OR5J2: variants seen among roughly 807,000 people sequenced by gnomAD.
OR5J2 encodes olfactory receptor 5J2.
In OR5J2, 4 loss-of-function variants were observed where a neutral mutation model predicts 6.7. The ratio of observed to expected loss-of-function variants is 0.60; its 90% CI spans 0.29 to 1.37. The LOEUF is 1.37. Among genes scored for constraint, OR5J2 ranks in the 40% most tolerant of loss-of-function variants. The probability of loss-of-function intolerance (pLI) is 0.09; values close to 1 mark genes in which losing one functional copy is unlikely to be tolerated. For synonymous variants in OR5J2, 174 were observed against 140.4 expected (o/e 1.24, Z -1.69); for missense variants, 415 against 366.4 (o/e 1.13, Z -1.08).
chr11:56,177,303 A>G lies in OR5J2; in HGVS notation c.686A>G (p.His229Arg), dbSNP rs140282757. 7.7e-5 allele frequency: 124 copies of G among 1,613,752 alleles called. No homozygotes were observed. The African/African-American group carries it at 1.3e-3, about 16-fold the overall frequency. The part of the protein sequence containing the change: ...IFIAFASLRI[H>R]SASGRQQAFS... Reference sequence around the variant, plus strand: ...ATTGCTTTTGCTAGCCTAAGGATCCACTCAGCATCAGGCAGACAGCAAGCC... The same window carrying G: ...ATTGCTTTTGCTAGCCTAAGGATCCGCTCAGCATCAGGCAGACAGCAAGCC... Residue 229 changes from histidine (H) to arginine (R), a missense_variant, in exon 1 of 1, where the codon CAC becomes CGC. His to Arg is a conservative substitution (Grantham distance 29). Coordinates refer to ENST00000312298, the MANE Select transcript of OR5J2 (RefSeq NM_001005492.1).
In OR5J2 at chr11:56,176,944, C is replaced by A; in HGVS notation, c.327C>A (p.Thr109=). 2 of 1,613,956 alleles carry A rather than the reference C, an allele frequency of 1.2e-6. No homozygotes were observed. Among genetic ancestry groups the A allele is most frequent in the South Asian group, 2.2e-5 (2 of 91,078 alleles). Residue 109 remains threonine, a synonymous_variant, in exon 1 of 1, where the codon ACC becomes ACA. Transcript: ENST00000312298. The part of the protein sequence containing the change: ...VQHLCFGVFI[T]TEGFLLSVMA... ...ATTTGTGTTTCGGAGTGTTCATCACCACAGAAGGCTTCTTACTGTCAGTGA... is the reference window on the plus strand; with the variant it reads ...ATTTGTGTTTCGGAGTGTTCATCACAACAGAAGGCTTCTTACTGTCAGTGA...
Position 56,176,865 on chromosome 11 carries a change from T to C in OR5J2, c.248T>C (p.Val83Ala), listed in dbSNP as rs183660874. 14 of 1,614,148 alleles carry C rather than the reference T, an allele frequency of 8.7e-6. No homozygotes were observed. Among genetic ancestry groups the C allele is most frequent in the East Asian group, 2.2e-5 (1 of 44,862 alleles). Reference protein sequence around the residue: ...YSSAIAPKMLVNLLVVKATIS... With the variant: ...YSSAIAPKMLANLLVVKATIS... ...TCTGCAATTGCACCCAAAATGCTGG[T>C]GAACCTCCTGGTTGTGAAGGCAACA... Residue 83 changes from valine (V) to alanine (A), a missense_variant, in exon 1 of 1, where the codon GTG (valine) becomes GCG (alanine). By Grantham distance (64) the Val-to-Ala change is moderately conservative. Coordinates refer to ENST00000312298, the MANE Select transcript of OR5J2 (RefSeq NM_001005492.1).
chr11:56,177,157 C>T lies in OR5J2; in HGVS notation c.540C>T (p.Asp180=). The T allele has an allele frequency of 2.5e-6, 4 of 1,614,136 alleles. No homozygotes were observed. Among genetic ancestry groups the T allele is most frequent in the Non-Finnish European group, 2.5e-6 (3 of 1,179,990 alleles). ...RLNAVSHFFC[D]IPSLLKLSCS... is the part of the protein sequence containing the mutation. ...ATGCTGTCAGCCACTTCTTCTGTGA[C>T]ATTCCTTCACTGCTAAAGCTGTCAT... Residue 180 remains aspartate, a synonymous_variant, in exon 1 of 1, where the codon GAC becomes GAT. Coordinates refer to ENST00000312298, the MANE Select transcript of OR5J2 (RefSeq NM_001005492.1).
In OR5J2 at chr11:56,177,279, T is replaced by C. The variant is rs1852551621; in HGVS notation, c.662T>C (p.Ile221Thr). 1 of 1,613,962 alleles carries C rather than the reference T, an allele frequency of 6.2e-7. No homozygotes were observed. The highest frequency in any genetic ancestry group is 1.3e-5 in the African/African-American group (1 of 74,906). The part of the protein sequence containing the change: ...FLTVIISYIF[I>T]AFASLRIHSA... Reference sequence around the variant, plus strand: ...ACTGTGATCATTTCCTACATCTTCATTGCTTTTGCTAGCCTAAGGATCCAC... The same window carrying C: ...ACTGTGATCATTTCCTACATCTTCACTGCTTTTGCTAGCCTAAGGATCCAC... The change falls in exon 1 of 1, where the codon ATT (isoleucine) becomes ACT (threonine). Residue 221 changes from isoleucine (I) to threonine (T), a missense_variant. By Grantham distance (89) the Ile-to-Thr change is moderately conservative. Coordinates refer to ENST00000312298, the MANE Select transcript of OR5J2 (RefSeq NM_001005492.1).
rs767970353 is a variant in OR5J2, at chr11:56,177,356, G to T, written c.739G>T (p.Ala247Ser). 41 of 1,613,896 alleles carry T rather than the reference G, an allele frequency of 2.5e-5. No individual in the cohort carries two copies. The highest frequency in any genetic ancestry group is 3.4e-5 in the Non-Finnish European group (40 of 1,179,938). The change falls in exon 1 of 1, where the codon GCT (alanine) becomes TCT (serine). Residue 247 changes from alanine (A) to serine (S), a missense_variant. By Grantham distance (99) the Ala-to-Ser change is moderately conservative. Transcript: ENST00000312298. Reference sequence around the variant, plus strand: ...CTCCACCTGTGCCTCTCACCTGACTGCTGTGACCATATTCTATGGTACCTT... The same window carrying T: ...CTCCACCTGTGCCTCTCACCTGACTTCTGTGACCATATTCTATGGTACCTT... Reference protein sequence around the residue: ...AFSTCASHLTAVTIFYGTLIF... With the variant: ...AFSTCASHLTSVTIFYGTLIF...
Position 56,176,939 on chromosome 11 carries a change from A to T in OR5J2, c.322A>T (p.Ile108Phe), listed in dbSNP as rs760965659. ...MVQHLCFGVF[I>F]TTEGFLLSVM... ...ACAGCATTTGTGTTTCGGAGTGTTC[A>T]TCACCACAGAAGGCTTCTTACTGTC... Residue 108 changes from isoleucine to phenylalanine, a missense_variant, in exon 1 of 1, where the codon ATC (isoleucine) becomes TTC (phenylalanine). By Grantham distance (21) the Ile-to-Phe change is conservative. Transcript: ENST00000312298. 2 of 1,614,132 alleles carry T rather than the reference A, an allele frequency of 1.2e-6. No homozygotes were observed. Among genetic ancestry groups the T allele is most frequent in the East Asian group, 2.2e-5 (1 of 44,880 alleles).
chr11:56,177,356 G>A lies in OR5J2; in HGVS notation c.739G>A (p.Ala247Thr), dbSNP rs767970353. Residue 247 changes from alanine (A) to threonine (T), a missense_variant, in exon 1 of 1, where the codon GCT becomes ACT. Coordinates refer to ENST00000312298, the MANE Select transcript of OR5J2 (RefSeq NM_001005492.1). Reference sequence around the variant, plus strand: ...CTCCACCTGTGCCTCTCACCTGACTGCTGTGACCATATTCTATGGTACCTT... The same window carrying A: ...CTCCACCTGTGCCTCTCACCTGACTACTGTGACCATATTCTATGGTACCTT... ...AFSTCASHLT[A>T]VTIFYGTLIF... 2 of 1,614,012 alleles carry A rather than the reference G, an allele frequency of 1.2e-6. No individual in the cohort carries two copies. Among genetic ancestry groups the A allele is most frequent in the South Asian group, 2.2e-5 (2 of 91,072 alleles).
Position 56,177,422 on chromosome 11 carries a change from G to T in OR5J2, c.805G>T (p.Glu269Ter). The T allele has an allele frequency of 6.2e-7, 1 of 1,614,000 alleles. No individual in the cohort carries two copies. The highest frequency in any genetic ancestry group is 8.5e-7 in the Non-Finnish European group (1 of 1,179,960). ...YIQPSSQYFVEQEKVVSMFYT... is the reference protein window; with the variant it reads ...YIQPSSQYFV ...TCAGCCAAGCTCCCAGTATTTTGTG[G>T]AACAAGAGAAAGTGGTTTCTATGTT... Residue 269 changes from glutamate to a stop codon, truncating the protein, a stop_gained, in exon 1 of 1, where the codon GAA (glutamate) becomes TAA (stop). Transcript: ENST00000312298. LOFTEE classifies it high-confidence loss of function.
chr11:56,177,031 T>C lies in OR5J2; in HGVS notation c.414T>C (p.Asp138=), dbSNP rs141314313. 232 of 1,614,124 alleles carry C rather than the reference T, an allele frequency of 1.4e-4. No homozygotes were observed. The African/African-American group carries it at 2.9e-3, about 20-fold the overall frequency. ...TGCTTTACACTGTAGCCATGTCTGATAGAAAGTGTGTGGAGCTTGTCACAG... is the reference window on the plus strand; with the variant it reads ...TGCTTTACACTGTAGCCATGTCTGACAGAAAGTGTGTGGAGCTTGTCACAG... ...SPLLYTVAMS[D]RKCVELVTGS... The change falls in exon 1 of 1, where the codon GAT becomes GAC. Residue 138 remains aspartate (D), a synonymous_variant. Transcript: ENST00000312298.
At position 56,176,964 on chromosome 11, in the gene OR5J2, C is replaced by G. The variant is rs572285751; in HGVS notation, c.347C>G (p.Ser116Ter). Reference sequence around the variant, plus strand: ...ATCACCACAGAAGGCTTCTTACTGTCAGTGATGGCCTATGACCGCTATGTG... The same window carrying G: ...ATCACCACAGAAGGCTTCTTACTGTGAGTGATGGCCTATGACCGCTATGTG... ...VFITTEGFLL[S>*]VMAYDRYVAI... The change falls in exon 1 of 1, where the codon TCA becomes TGA. Residue 116 changes from serine (S) to a stop codon, truncating the protein, a stop_gained. Coordinates refer to ENST00000312298, the MANE Select transcript of OR5J2 (RefSeq NM_001005492.1). LOFTEE classifies it low-confidence loss of function (END_TRUNC). 5 of 1,613,932 alleles carry G rather than the reference C, an allele frequency of 3.1e-6. No individual in the cohort carries two copies. The South Asian group carries it at 4.4e-5, about 14-fold the overall frequency.
rs778273162 is a variant in OR5J2 at position 56,176,791 on chromosome 11, C to T, written c.174C>T (p.Pro58=). ...LIQITSKLHT[P]MYFLLSCLSF... is the part of the protein sequence containing the mutation. ...AAATCACCTCCAAACTCCACACACCCATGTACTTTTTACTCAGCTGTCTTT... is the reference window on the plus strand; with the variant it reads ...AAATCACCTCCAAACTCCACACACCTATGTACTTTTTACTCAGCTGTCTTT... Residue 58 remains proline (P), a synonymous_variant, in exon 1 of 1, where the codon CCC becomes CCT. Transcript: ENST00000312298. 3.7e-6 allele frequency: 6 copies of T among 1,613,968 alleles called. No homozygotes were observed. In the Admixed American group the frequency reaches 1.0e-4, roughly 27 times the overall value.
chr11:56,177,480 T>G lies in OR5J2; in HGVS notation c.863T>G (p.Leu288Trp). The change falls in exon 1 of 1, where the codon TTG becomes TGG. Residue 288 changes from leucine (L) to tryptophan (W), a missense_variant. Leu to Trp is a moderately conservative substitution (Grantham distance 61, BLOSUM62 -2). Coordinates refer to ENST00000312298, the MANE Select transcript of OR5J2 (RefSeq NM_001005492.1). Reference protein sequence around the residue: ...YTLGIPMLNLLIHSLRNKDVK... With the variant: ...YTLGIPMLNLWIHSLRNKDVK... Reference sequence around the variant, plus strand: ...CTAGGGATTCCCATGTTAAACCTGTTGATACACAGTTTGAGAAACAAGGAC... The same window carrying G: ...CTAGGGATTCCCATGTTAAACCTGTGGATACACAGTTTGAGAAACAAGGAC... The G allele has an allele frequency of 1.2e-6, 2 of 1,613,058 alleles. No homozygotes were observed. The highest frequency in any genetic ancestry group is 1.7e-6 in the Non-Finnish European group (2 of 1,179,908).
chr11:56,176,834 TATTCATCTGCA>T lies in OR5J2; in HGVS notation c.221_231del (p.Ser74CysfsTer44). The T allele has an allele frequency of 6.2e-7, 1 of 1,613,976 alleles. No homozygotes were observed. The highest frequency in any genetic ancestry group is 1.1e-5 in the South Asian group (1 of 91,080). On this transcript the variant is annotated frameshift_variant, in exon 1 of 1. Coordinates refer to ENST00000312298, the MANE Select transcript of OR5J2 (RefSeq NM_001005492.1). LOFTEE classifies it low-confidence loss of function (END_TRUNC). ...CTGTCTTTCATTTGTGGATGCCTGC[TATTCATCTGCA>T]ATTGCACCCAAAATGCTGGTGAACC...
In OR5J2 at chr11:56,177,495, G is replaced by A; in HGVS notation, c.878G>A (p.Arg293Lys). 1 of 1,611,710 alleles carries A rather than the reference G, an allele frequency of 6.2e-7. No individual in the cohort carries two copies. Among genetic ancestry groups the A allele is most frequent in the Non-Finnish European group, 8.5e-7 (1 of 1,179,838 alleles). ...TTAAACCTGTTGATACACAGTTTGA[G>A]AAACAAGGACGTAAAGGAGGCAGTG... is the stretch of plus-strand genomic sequence containing the variant. ...PMLNLLIHSL[R>K]NKDVKEAVKR... Residue 293 changes from arginine (R) to lysine (K), a missense_variant, in exon 1 of 1, where the codon AGA becomes AAA. By Grantham distance (26) the Arg-to-Lys change is conservative. Transcript: ENST00000312298.
In OR5J2 at chr11:56,177,321, AGC is replaced by A; in HGVS notation, c.705_706del (p.Gln236SerfsTer22). On this transcript the variant is annotated frameshift_variant, in exon 1 of 1. Transcript: ENST00000312298. LOFTEE classifies it high-confidence loss of function. ...AGGATCCACTCAGCATCAGGCAGACAGCAAGCCTTCTCCACCTGTGCCTCTCA... is the reference window on the plus strand; with the variant it reads ...AGGATCCACTCAGCATCAGGCAGACAAAGCCTTCTCCACCTGTGCCTCTCA... The A allele has an allele frequency of 1.2e-6, 2 of 1,614,062 alleles. No individual in the cohort carries two copies. Among genetic ancestry groups the A allele is most frequent in the South Asian group, 2.2e-5 (2 of 91,084 alleles).
In OR5J2 at chr11:56,176,956, C is replaced by G. The variant is rs1295610273; in HGVS notation, c.339C>G (p.Phe113Leu). ...CFGVFITTEG[F>L]LLSVMAYDRY... ...GAGTGTTCATCACCACAGAAGGCTT[C>G]TTACTGTCAGTGATGGCCTATGACC... Residue 113 changes from phenylalanine to leucine, a missense_variant, in exon 1 of 1, where the codon TTC (phenylalanine) becomes TTG (leucine). By Grantham distance (22) the Phe-to-Leu change is conservative. Coordinates refer to ENST00000312298, the MANE Select transcript of OR5J2 (RefSeq NM_001005492.1). The G allele has an allele frequency of 6.2e-7, 1 of 1,613,910 alleles. No homozygotes were observed. The highest frequency in any genetic ancestry group is 1.3e-5 in the African/African-American group (1 of 74,912).
rs199689729 is a variant in OR5J2, at chr11:56,177,057, G to C, written c.440G>C (p.Gly147Ala). Reference sequence around the variant, plus strand: ...AGAAAGTGTGTGGAGCTTGTCACAGGATCATGGATAGGTGGAATAGTTAAC... The same window carrying C: ...AGAAAGTGTGTGGAGCTTGTCACAGCATCATGGATAGGTGGAATAGTTAAC... Reference protein sequence around the residue: ...SDRKCVELVTGSWIGGIVNTL... With the variant: ...SDRKCVELVTASWIGGIVNTL... The change falls in exon 1 of 1, where the codon GGA (glycine) becomes GCA (alanine). Residue 147 changes from glycine (G) to alanine (A), a missense_variant. Transcript: ENST00000312298. 151 of 1,613,916 alleles carry C rather than the reference G, an allele frequency of 9.4e-5. No individual in the cohort carries two copies. Among genetic ancestry groups the C allele is most frequent in the Non-Finnish European group, 1.2e-4 (139 of 1,179,976 alleles).
At position 56,177,475 on chromosome 11, in the gene OR5J2, C is replaced by T. The variant is rs865779239; in HGVS notation, c.858C>T (p.Asn286=). ...ATACGCTAGGGATTCCCATGTTAAA[C>T]CTGTTGATACACAGTTTGAGAAACA... is the stretch of plus-strand genomic sequence containing the variant. ...MFYTLGIPML[N]LLIHSLRNKD... The change falls in exon 1 of 1, where the codon AAC becomes AAT. Residue 286 remains asparagine, a synonymous_variant. Transcript: ENST00000312298. 1 of 1,613,208 alleles carries T rather than the reference C, an allele frequency of 6.2e-7. No homozygotes were observed. Among genetic ancestry groups the T allele is most frequent in the East Asian group, 2.2e-5 (1 of 44,868 alleles).
In OR5J2 at chr11:56,176,809, C is replaced by T. The variant is rs1852541370; in HGVS notation, c.192C>T (p.Ser64=). The change falls in exon 1 of 1, where the codon AGC becomes AGT. Residue 64 remains serine, a synonymous_variant. Transcript: ENST00000312298. ...KLHTPMYFLL[S]CLSFVDACYS... ...ACACACCCATGTACTTTTTACTCAG[C>T]TGTCTTTCATTTGTGGATGCCTGCT... 3 of 1,614,064 alleles carry T rather than the reference C, an allele frequency of 1.9e-6. No individual in the cohort carries two copies. The East Asian group carries it at 6.7e-5, about 36-fold the overall frequency.
Sources: allele counts gnomAD v4.1 joint callset, GRCh38; gene constraint gnomAD v4.1.1; transcripts MANE v1.5; gene names NCBI Gene and HGNC (gene_info 2026-07-23, HGNC 2026-07-21).